Variants in ZNF133 observed in about 807,000 individuals in gnomAD.
ZNF133 encodes zinc finger protein 133 (clone pHZ-13).
Under a neutral mutation model 54.9 loss-of-function variants are expected in ZNF133, and 26 were observed. The observed-to-expected ratio is 0.47, with a 90% CI of 0.35 to 0.66. ZNF133 has a LOEUF of 0.66. Ranked by LOEUF, ZNF133 falls within the 30% of genes least tolerant of loss-of-function variation. The pLI, the probability that ZNF133 is intolerant of heterozygous loss-of-function variation, is 0.01. For missense variants in ZNF133, 653 were observed against 820.8 expected (o/e 0.80, Z 2.50); for synonymous variants, 298 against 320.3 (o/e 0.93, Z 0.74).
chr20:18,290,247 G>A (rs1039238756), intron 1 of ZNF133, among the ~76,000 whole-genome samples: 9 of 152,320 alleles, frequency 5.9e-5, no homozygotes, highest in African/African-American at 1.9e-4. Flanking sequence ...TTTCAGAGCT[G>A]ATGCTCTCAT....
chr20:18,316,500 A>C lies in ZNF133; in HGVS notation c.1649A>C (p.Tyr550Ser). Residue 550 changes from tyrosine to serine, a missense_variant, in exon 7 of 7, where the codon TAC becomes TCC. This residue lies in a region of ZNF133 where 129 missense variants were observed against 138.5 expected (regional missense o/e 0.93). Transcript: ENST00000425686. ...HKRKHSREKPYMCRQCGLGFG... is the reference protein window; with the variant it reads ...HKRKHSREKPSMCRQCGLGFG... ...CGGAAGCACTCGAGGGAGAAGCCCT[A>C]CATGTGCAGGCAGTGTGGACTGGGC... 1 of 1,614,224 alleles carries C rather than the reference A, an allele frequency of 6.2e-7. No homozygotes were observed.
rs2042600405 is a variant in ZNF133 at position 18,298,082 on chromosome 20, A to G, written c.-354+20A>G. 1.3e-6 allele frequency: 2 copies of G among 1,535,292 alleles called. No homozygotes were observed. The highest frequency in any genetic ancestry group is 2.4e-5 in the East Asian group (1 of 40,910). On this transcript the variant is annotated intron_variant, in intron 2 of 6. Transcript: ENST00000425686. The stretch of plus-strand genomic sequence containing the variant: ...GGAATGGTGAGTGTTTCCTGTCTCC[A>G]TTACTGGCTGTAACAGGATGGACAC...
intron 1 of ZNF133, among the ~76,000 whole-genome samples, chr20:18,294,852 T>C (rs1371534901): frequency 3.3e-5 from 5 of 152,358 alleles, no homozygotes; most frequent in African/African-American, 7.2e-5. Flanking sequence ...TATTGCGATG[T>C]TGGAGTCTTT....
At chr20:18,293,995 G>C (rs575561310) in intron 1 of ZNF133, among the ~76,000 whole-genome samples, 2 of 152,288 alleles carry the variant, frequency 1.3e-5, no homozygotes, top group African/African-American at 4.8e-5. Flanking sequence ...ACAGATATAT[G>C]CTAAAATTAG....
chr20:18,304,305 A>C (rs1466460840), intron 3 of ZNF133, among the ~76,000 whole-genome samples: 1 of 152,238 alleles, frequency 6.6e-6, no homozygotes. Context: ...ACCCTTGTGC[A>C]TTGCGGGTGG....
chr20:18,310,340 A>G lies in ZNF133; in HGVS notation c.217+3947A>G, dbSNP rs1434601467. ...TACATCTTAACGGTTTCATTATTCT[A>G]TATTTGGGACTTGGATTTAAGACAG... On this transcript the variant is annotated intron_variant, in intron 6 of 6. Transcript: ENST00000425686. The G allele has an allele frequency of 4.6e-6, 7 of 1,519,386 alleles. No homozygotes were observed. The African/African-American group carries it at 5.5e-5, about 12-fold the overall frequency. The allele number at this position is 1,519,386 out of a possible 1,614,324, so 94.1% of individuals were successfully genotyped here.
rs1400346640 is a variant in ZNF133 at position 18,305,066 on chromosome 20, C to T, written c.-119C>T. On this transcript the variant is annotated 5_prime_UTR_variant, in exon 4 of 7. Coordinates refer to ENST00000425686, the MANE Select transcript of ZNF133 (RefSeq NM_001352452.2). The surrounding 1 kb of genome is among the most constrained non-coding windows in gnomAD (Gnocchi z 4.7). ...TTAAAAGAATAAAACTGGGCAGGGGCATGAGAATAGGATGCAAAGATGAAT... is the reference window on the plus strand; with the variant it reads ...TTAAAAGAATAAAACTGGGCAGGGGTATGAGAATAGGATGCAAAGATGAAT... The T allele has an allele frequency of 7.1e-6, 7 of 985,432 alleles. No homozygotes were observed. The highest frequency in any genetic ancestry group is 8.4e-6 in the Non-Finnish European group (7 of 830,008). 61.0% of individuals were successfully genotyped at this position (985,432 alleles called of 1,614,324 possible). A position where few individuals can be genotyped will look rare whatever the true frequency, so the allele number is the denominator to read the frequency against.
At position 18,311,673 on chromosome 20, in the gene ZNF133, T is replaced by G. The variant is rs189675367; in HGVS notation, c.218-3396T>G. 4.3e-3 allele frequency among the ~76,000 whole-genome samples: 652 copies of G among 152,262 alleles called. 7 individuals carry two copies. Among genetic ancestry groups the G allele is most frequent in the African/African-American group, 0.015 (616 of 41,554 alleles). On this transcript the variant is annotated intron_variant, in intron 6 of 6. Coordinates refer to ENST00000425686, the MANE Select transcript of ZNF133 (RefSeq NM_001352452.2). ...CATGAGAACACTTTGTATAGTTTTGTTTTTGAATTTTTTAACAAAAATATT... is the reference window on the plus strand; with the variant it reads ...CATGAGAACACTTTGTATAGTTTTGGTTTTGAATTTTTTAACAAAAATATT...
intron 6 of ZNF133, chr20:18,313,711 T>C (rs2046661938): frequency 6.6e-6 from 1 of 152,206 alleles, no homozygotes; most frequent in Admixed American, 6.5e-5. Flanking sequence ...AAATCAGTTA[T>C]GAGTTGTGGA....
At chr20:18,294,434 T>C (rs1018154960) in intron 1 of ZNF133, among the ~76,000 whole-genome samples, 4 of 152,228 alleles carry the variant, frequency 2.6e-5, no homozygotes, top group Non-Finnish European at 4.4e-5. Context: ...AAAAAGTACA[T>C]TGGTGGAAAA....
chr20:18,291,450 T>A (rs1482773442), intron 1 of ZNF133, among the ~76,000 whole-genome samples: 1 of 152,178 alleles, frequency 6.6e-6, no homozygotes, highest in Non-Finnish European at 1.5e-5. Flanking sequence ...GTACTAGGTC[T>A]TCCTGGTTTT....
At chr20:18,306,471 GTGC>G in intron 6 of ZNF133, 78 bp downstream of exon 6, 2 of 1,427,920 alleles carry the variant, frequency 1.4e-6, no homozygotes, top group Non-Finnish European at 1.9e-6. Flanking sequence ...CGTTGCTCAG[GTGC>G]TGGGGAGGGA....
chr20:18,291,045 C>T (rs1289249709), intron 1 of ZNF133, among the ~76,000 whole-genome samples: 1 of 152,086 alleles, frequency 6.6e-6, no homozygotes, highest in African/African-American at 2.4e-5. Context: ...GAGAATCTGT[C>T]GCCTGGGCAA....
At position 18,315,353 on chromosome 20, in the gene ZNF133, A is replaced by T; in HGVS notation, c.502A>T (p.Arg168Trp). 6.2e-7 allele frequency: 1 copy of T among 1,614,196 alleles called. No homozygotes were observed. Among genetic ancestry groups the T allele is most frequent in the Admixed American group, 1.7e-5 (1 of 60,030 alleles). The change falls in exon 7 of 7, where the codon AGG becomes TGG. Residue 168 changes from arginine (R) to tryptophan (W), a missense_variant. By Grantham distance (101) the Arg-to-Trp change is moderately radical. Coordinates refer to ENST00000425686, the MANE Select transcript of ZNF133 (RefSeq NM_001352452.2). ...TKKRTLGAFSRPPQRQPVSSR... is the reference protein window; with the variant it reads ...TKKRTLGAFSWPPQRQPVSSR... ...GAAAAGGACTCTGGGAGCGTTCTCC[A>T]GGCCACCCCAGAGGCAGCCAGTCAG...
At chr20:18,297,579 A>AT (rs965865090) in intron 1 of ZNF133, among the ~76,000 whole-genome samples, 27 of 148,552 alleles carry the variant, frequency 1.8e-4, no homozygotes, top group Non-Finnish European at 3.7e-4. Context: ...TCTCATTTTC[A>AT]TTTTTTTTAA....
Position 18,315,749 on chromosome 20 carries a change from T to G in ZNF133, c.898T>G (p.Cys300Gly). The change falls in exon 7 of 7, where the codon TGC becomes GGC. Residue 300 changes from cysteine (C) to glycine (G), a missense_variant. Physicochemically the swap from Cys to Gly is radical, Grantham distance 159 (BLOSUM62 -3). Around this residue, in one of 4 missense-constraint regions of ZNF133, gnomAD observed 292 missense variants for 431.6 expected, o/e 0.68. Transcript: ENST00000425686. ...RTHSGEKPYM[C>G]SECGRGFSQK... ...ACACTCCGGTGAGAAACCTTACATG[T>G]GCAGTGAGTGTGGGCGAGGCTTCAG... 6.2e-7 allele frequency: 1 copy of G among 1,614,134 alleles called. No homozygotes were observed. Among genetic ancestry groups the G allele is most frequent in the Non-Finnish European group, 8.5e-7 (1 of 1,180,004 alleles).
intron 6 of ZNF133, chr20:18,310,429 C>T (rs995267905): frequency 1.9e-6 from 2 of 1,078,798 alleles, no homozygotes; most frequent in Non-Finnish European, 1.2e-6. Flanking sequence ...TCGGCTGTTT[C>T]ATTAATCAGA....
At chr20:18,302,253 A>T (rs74341433) in intron 3 of ZNF133, among the ~76,000 whole-genome samples, 52,499 of 151,714 alleles carry the variant, frequency 0.35, 9,301 homozygotes, top group Middle Eastern at 0.38. Context: ...ATACAAAAAA[A>T]TTAGCCAGGC....
At chr20:18,304,827 G>A (rs954281915) in intron 3 of ZNF133, among the ~76,000 whole-genome samples, 181 bp from the exon 4 acceptor site, 3 of 152,084 alleles carry the variant, frequency 2.0e-5, no homozygotes, top group Non-Finnish European at 2.9e-5. Context: ...ATTCCTCCTA[G>A]GGGGCCCTCC....
Sources: allele counts gnomAD v4.1 joint callset (sites outside exome capture counted in the v4.1 genomes callset), GRCh38; gene constraint gnomAD v4.1.1; regional missense constraint gnomAD v4.1.1; non-coding constraint Gnocchi (gnomAD v3.1); transcripts MANE v1.5; gene names NCBI Gene and HGNC (gene_info 2026-07-23, HGNC 2026-07-21).